Variants in DNAH7 observed in about 807,000 individuals in gnomAD.
The protein encoded by DNAH7 is axonemal beta dynein heavy chain 7.
DNAH7 carries 397 observed loss-of-function variants against 444.6 expected under a neutral mutation model. The ratio of observed to expected loss-of-function variants is 0.89; its 90% CI spans 0.82 to 0.97. DNAH7 has a LOEUF of 0.97. Among genes scored for constraint, DNAH7 ranks in the 50% least tolerant of loss-of-function variants. The probability of loss-of-function intolerance (pLI) is 0.00; values close to 1 mark genes in which losing one functional copy is unlikely to be tolerated. For synonymous variants in DNAH7, 1,636 were observed against 1,624.4 expected, an observed-to-expected ratio of 1.01 and a Z score of -0.17; for missense variants, 4,902 against 4,800.8, an observed-to-expected ratio of 1.02 and a Z score of -0.62.
intron 33 of DNAH7, 123 bp downstream of exon 33, chr2:195,888,135 A>G: frequency 1.2e-6 from 1 of 800,948 alleles, no homozygotes; most frequent in South Asian, 2.2e-5. Flanking sequence ...TTTTTAATTT[A>G]ATCAAAAAGG....
rs370741001 is a variant in DNAH7 at position 195,900,514 on chromosome 2, T to C, written c.4336-20A>G. On this transcript the variant is annotated intron_variant, in intron 27 of 64. Transcript: ENST00000312428. ...GAGAGCCTATGGGTAGGTAGAAAGTTACTTTTAAAAGGATCATCATAAAAT... is the reference window on the plus strand; with the variant it reads ...GAGAGCCTATGGGTAGGTAGAAAGTCACTTTTAAAAGGATCATCATAAAAT... 37 of 1,606,838 alleles carry C rather than the reference T, an allele frequency of 2.3e-5. No homozygotes were observed. In the African/African-American group the frequency reaches 4.3e-4, roughly 19 times the overall value.
chr2:195,773,511 TCACA>T (rs1227714410), intron 60 of DNAH7, among the ~76,000 whole-genome samples: 1 of 152,048 alleles, frequency 6.6e-6, no homozygotes, highest in Admixed American at 6.6e-5. Context: ...TACCTATTTC[TCACA>T]CACAAAGATC....
At chr2:195,911,901 C>T (rs555229798) in intron 24 of DNAH7, among the ~76,000 whole-genome samples, 1 of 152,124 alleles carries the variant, frequency 6.6e-6, no homozygotes, top group African/African-American at 2.4e-5. Context: ...GCAAGAAGCA[C>T]TGGTGAGTAA....
At chr2:195,965,946 A>AT (rs1359496699) in intron 17 of DNAH7, among the ~76,000 whole-genome samples, 2 of 151,574 alleles carry the variant, frequency 1.3e-5, no homozygotes, top group East Asian at 3.9e-4. Context: ...CTTCATTGCA[A>AT]TTTTTAAATT....
At chr2:196,007,124 G>A (rs1246504148) in intron 10 of DNAH7, among the ~76,000 whole-genome samples, 2 of 152,046 alleles carry the variant, frequency 1.3e-5, no homozygotes, top group Non-Finnish European at 2.9e-5. Context: ...AAAGGACTCA[G>A]AACAACAACA....
At position 195,897,767 on chromosome 2, in the gene DNAH7, T is replaced by TAAAAAA. The variant is rs61502519; in HGVS notation, c.4549-8_4549-3dup. On this transcript the variant is annotated splice_region_variant and splice_polypyrimidine_tract_variant and intron_variant, in intron 28 of 64. Transcript: ENST00000312428. Reference sequence around the variant, plus strand: ...TTCATTTTCATTTGGATATTTCAGCTAAAAAAAAAAAAAAAAACTCATGAG... The same window carrying TAAAAAA: ...TTCATTTTCATTTGGATATTTCAGCTAAAAAAAAAAAAAAAAAAAAAAACTCATGAG... The TAAAAAA allele has an allele frequency of 3.5e-6, 4 of 1,145,460 alleles. No individual in the cohort carries two copies. The highest frequency in any genetic ancestry group is 3.3e-5 in the South Asian group (2 of 61,372). 71.0% of individuals were successfully genotyped at this position (1,145,460 alleles called of 1,614,324 possible).
At chr2:195,758,727 C>T (rs1694203410) in intron 61 of DNAH7, among the ~76,000 whole-genome samples, 1 of 152,154 alleles carries the variant, frequency 6.6e-6, no homozygotes. Context: ...GAATCTGTCG[C>T]TTGTAGGAGG....
chr2:195,804,366 A>C (rs1368598598), intron 54 of DNAH7, among the ~76,000 whole-genome samples: 1 of 152,176 alleles, frequency 6.6e-6, no homozygotes, highest in African/African-American at 2.4e-5. Context: ...GGTAACAGTA[A>C]AATTAAAGGG....
chr2:195,865,812 G>C (rs1479747117), intron 40 of DNAH7, among the ~76,000 whole-genome samples: 2 of 152,050 alleles, frequency 1.3e-5, no homozygotes, highest in African/African-American at 4.8e-5. Flanking sequence ...CATAAGGGTA[G>C]GGCCCTAATC....
intron 20 of DNAH7, 86 bp downstream of exon 20, chr2:195,936,513 T>TTA: frequency 2.5e-6 from 2 of 803,670 alleles, no homozygotes; most frequent in South Asian, 2.5e-5. Context: ...ATAAACATGA[T>TTA]TATATATATT....
chr2:196,039,877 A>G lies in DNAH7; in HGVS notation c.398+7475T>C, dbSNP rs1696636537. Among the ~76,000 whole-genome samples, 8 of 152,146 alleles carry G rather than the reference A, an allele frequency of 5.3e-5. No individual in the cohort carries two copies. The South Asian group carries it at 1.7e-3, about 32-fold the overall frequency. On this transcript the variant is annotated intron_variant, in intron 5 of 64. Transcript: ENST00000312428. ...TTGACAAACCACTAACTAGACTAAG[A>G]AAAAATCATTAAAGACTATTATGAT...
chr2:195,817,805 T>A lies in DNAH7; in HGVS notation c.9316A>T (p.Thr3106Ser). The A allele has an allele frequency of 6.2e-7, 1 of 1,601,262 alleles. No homozygotes were observed. The highest frequency in any genetic ancestry group is 8.5e-7 in the Non-Finnish European group (1 of 1,175,346). ...AGCTGATCTTGCATTCCCTCAGGGG[T>A]TATCATGAAGTTTAATAATGTTACC... ...VKVTLLNFMI[T>S]PEGMQDQLLG... is the part of the protein sequence containing the mutation. Residue 3106 changes from threonine to serine, a missense_variant, in exon 50 of 65, where the codon ACC (threonine) becomes TCC (serine). Coordinates refer to ENST00000312428, the MANE Select transcript of DNAH7 (RefSeq NM_018897.3).
chr2:195,744,016 A>G (rs1381076181), intron 63 of DNAH7, among the ~76,000 whole-genome samples: 1 of 152,208 alleles, frequency 6.6e-6, no homozygotes, highest in Non-Finnish European at 1.5e-5. Flanking sequence ...TGGGTGCAGG[A>G]CAGTGGGTGC....
At chr2:195,856,343 A>G (rs535929653) in intron 44 of DNAH7, among the ~76,000 whole-genome samples, 6 of 152,292 alleles carry the variant, frequency 3.9e-5, no homozygotes, top group African/African-American at 1.4e-4. Context: ...GGTATCTTTT[A>G]TCTTTGTCAT....
chr2:195,753,367 T>G (rs1197604185), intron 63 of DNAH7, among the ~76,000 whole-genome samples: 1 of 152,182 alleles, frequency 6.6e-6, no homozygotes, highest in Non-Finnish European at 1.5e-5. Flanking sequence ...CATCTTGAGA[T>G]TTGTGACCAT....
intron 24 of DNAH7, among the ~76,000 whole-genome samples, chr2:195,911,714 G>A (rs1289456130): frequency 1.3e-5 from 2 of 152,050 alleles, no homozygotes; most frequent in African/African-American, 4.8e-5. Flanking sequence ...GAAAACTACT[G>A]TTCATCTACA....
At chr2:195,875,232 A>G (rs1323372854) in intron 38 of DNAH7, among the ~76,000 whole-genome samples, 2 of 152,208 alleles carry the variant, frequency 1.3e-5, no homozygotes, top group African/African-American at 4.8e-5. Flanking sequence ...GGTAGAATAA[A>G]GATGATTTCT....
intron 59 of DNAH7, among the ~76,000 whole-genome samples, chr2:195,776,342 C>G (rs555921579): frequency 6.6e-5 from 10 of 151,976 alleles, no homozygotes; most frequent in Admixed American, 1.3e-4. Context: ...ACTCAGGAGG[C>G]TGAGACAGGA....
chr2:196,011,868 A>G (rs770374911), intron 10 of DNAH7, among the ~76,000 whole-genome samples: 3 of 152,212 alleles, frequency 2.0e-5, no homozygotes, highest in African/African-American at 7.2e-5. Context: ...GAAGTTATAG[A>G]TCAAGATAAT....
Sources: gnomAD v4.1 joint callset for allele counts (sites outside exome capture counted in the v4.1 genomes callset) on GRCh38, gnomAD v4.1.1 for gene constraint, MANE v1.5 for transcripts, NCBI Gene and HGNC (gene_info 2026-07-23, HGNC 2026-07-21) for gene names.